Variants in SUPT3H observed in about 807,000 individuals in gnomAD.
The protein encoded by SUPT3H is SPT3 homolog, SAGA and STAGA complex component, also known as transcription initiation protein SPT3 homolog.
Under a neutral mutation model 44.3 loss-of-function variants are expected in SUPT3H, and 44 were observed. That is an observed-to-expected ratio of 0.99 (90% CI 0.78 to 1.28). The LOEUF is 1.28. SUPT3H is among the 50% of genes most tolerant of loss of function. SUPT3H has a pLI of 0.00. For missense variants in SUPT3H, 380 were observed against 387.1 expected, an observed-to-expected ratio of 0.98 and a Z score of 0.15; for synonymous variants, 124 against 125.6, an observed-to-expected ratio of 0.99 and a Z score of 0.09.
At chr6:45,150,857 G>T (rs1806850451) in intron 2 of SUPT3H, among the ~76,000 whole-genome samples, 1 of 151,544 alleles carries the variant, frequency 6.6e-6, no homozygotes, top group Non-Finnish European at 1.5e-5. Context: ...CAAGTAGCTG[G>T]GACTACAGGC....
At chr6:45,068,471 TAAAAA>T (rs202095477) in intron 3 of SUPT3H, among the ~76,000 whole-genome samples, 1 of 145,880 alleles carries the variant, frequency 6.9e-6, no homozygotes, top group Non-Finnish European at 1.5e-5. Context: ...AATAAAAAAA[TAAAAA>T]AAAAAGATAG....
chr6:45,296,803 G>A (rs537427046), intron 2 of SUPT3H, among the ~76,000 whole-genome samples: 2 of 148,404 alleles, frequency 1.3e-5, no homozygotes, highest in African/African-American at 4.9e-5. Context: ...CAGGTGATGG[G>A]TGCACCAAAA....
chr6:45,177,693 G>A lies in SUPT3H; in HGVS notation c.102-71687C>T, dbSNP rs998659576. Among the ~76,000 whole-genome samples, 324 of 151,660 alleles carry A rather than the reference G, an allele frequency of 2.1e-3. 1 individual carries two copies. Among genetic ancestry groups the A allele is most frequent in the African/African-American group, 7.3e-3 (303 of 41,334 alleles). On this transcript the variant is annotated intron_variant, in intron 2 of 10. Coordinates refer to ENST00000371459, the MANE Select transcript of SUPT3H (RefSeq NM_003599.4). ...AGAAAGGTCGGGTTAGCCTCAAAGG[G>A]AAGCCCATCAGACTAACAGCTGATC... is the stretch of plus-strand genomic sequence containing the variant.
At chr6:45,069,901 T>C (rs1794108583) in intron 3 of SUPT3H, among the ~76,000 whole-genome samples, 1 of 151,946 alleles carries the variant, frequency 6.6e-6, no homozygotes, top group Non-Finnish European at 1.5e-5. Flanking sequence ...CTGATATAAA[T>C]ATGCCTAGAG....
At chr6:45,283,243 C>T (rs889117195) in intron 2 of SUPT3H, among the ~76,000 whole-genome samples, 1 of 152,028 alleles carries the variant, frequency 6.6e-6, no homozygotes, top group Admixed American at 6.6e-5. Context: ...CAATATTAAC[C>T]TTAAATGTAA....
At chr6:45,230,084 T>C (rs1354368780) in intron 2 of SUPT3H, among the ~76,000 whole-genome samples, 1 of 152,224 alleles carries the variant, frequency 6.6e-6, no homozygotes, top group East Asian at 1.9e-4. Context: ...CATGTGGTAT[T>C]TGTCTTTCTG....
chr6:45,034,386 A>G (rs1787376759), intron 3 of SUPT3H, among the ~76,000 whole-genome samples: 1 of 152,102 alleles, frequency 6.6e-6, no homozygotes, highest in South Asian at 2.1e-4. Context: ...GAACACAGAA[A>G]AGAACAAAGG....
intron 2 of SUPT3H, among the ~76,000 whole-genome samples, chr6:45,201,004 T>C (rs112901562): frequency 4.3e-4 from 65 of 151,544 alleles, no homozygotes; most frequent in African/African-American, 1.4e-3. Flanking sequence ...TACTTCCTTA[T>C]GGGAACAATA....
intron 6 of SUPT3H, among the ~76,000 whole-genome samples, chr6:44,988,702 T>C (rs1426624943): frequency 6.6e-6 from 1 of 151,900 alleles, no homozygotes; most frequent in African/African-American, 2.4e-5. Context: ...AGAAATGCAA[T>C]TTCTGCATCA....
At chr6:45,149,441 T>G (rs1362610581) in intron 2 of SUPT3H, among the ~76,000 whole-genome samples, 1 of 152,180 alleles carries the variant, frequency 6.6e-6, no homozygotes, top group Non-Finnish European at 1.5e-5. Flanking sequence ...GGAAATGGAA[T>G]CCCCTACTGG....
chr6:45,221,323 A>G (rs1422981131), intron 2 of SUPT3H, among the ~76,000 whole-genome samples: 1 of 152,200 alleles, frequency 6.6e-6, no homozygotes, highest in African/African-American at 2.4e-5. Context: ...ATATATATGT[A>G]ACACACCTGC....
At chr6:45,365,369 A>G in intron 1 of SUPT3H, 68 bp from the exon 2 acceptor site, 1 of 1,067,042 alleles carries the variant, frequency 9.4e-7, no homozygotes, top group Non-Finnish European at 1.4e-6. Flanking sequence ...AAAAAAAAGA[A>G]AGCAAATATA....
chr6:45,033,715 G>A (rs899856647), intron 3 of SUPT3H, among the ~76,000 whole-genome samples: 1 of 152,126 alleles, frequency 6.6e-6, no homozygotes, highest in African/African-American at 2.4e-5. Flanking sequence ...AAGGAAGCCA[G>A]ACTATATTAA....
chr6:44,956,576 T>C (rs1775256669), intron 7 of SUPT3H, among the ~76,000 whole-genome samples: 2 of 151,590 alleles, frequency 1.3e-5, no homozygotes, highest in African/African-American at 4.9e-5. Context: ...TGACATCTGG[T>C]CTAATCTAAG....
intron 2 of SUPT3H, among the ~76,000 whole-genome samples, chr6:45,175,400 G>C (rs1019363397): frequency 6.6e-6 from 1 of 152,136 alleles, no homozygotes; most frequent in Non-Finnish European, 1.5e-5. Flanking sequence ...AAGACAGAAG[G>C]AAGAAGTGCT....
chr6:45,271,767 G>A (rs1008742733), intron 2 of SUPT3H, among the ~76,000 whole-genome samples: 16 of 152,260 alleles, frequency 1.1e-4, no homozygotes, highest in South Asian at 4.1e-4. Context: ...ACCTTGCATT[G>A]TCCATCTGGA....
rs1257265825 is a variant in SUPT3H, at chr6:45,156,681, G to A, written c.102-50675C>T. 3.3e-5 allele frequency among the ~76,000 whole-genome samples: 5 copies of A among 150,628 alleles called. No homozygotes were observed. The East Asian group carries it at 9.6e-4, about 29-fold the overall frequency. On this transcript the variant is annotated intron_variant, in intron 2 of 10. Coordinates refer to ENST00000371459, the MANE Select transcript of SUPT3H (RefSeq NM_003599.4). ...CAAAGAAACATAAATAAGTTTATGA[G>A]TATAACAAGAAATGAGTTTTTTAAA...
intron 2 of SUPT3H, among the ~76,000 whole-genome samples, chr6:45,295,976 G>A (rs1172026629): frequency 6.6e-6 from 1 of 151,820 alleles, no homozygotes; most frequent in Non-Finnish European, 1.5e-5. Context: ...CCCAATCCTG[G>A]GTATCTACCC....
chr6:45,230,687 T>TATATATATATA (rs1562747092), intron 2 of SUPT3H, among the ~76,000 whole-genome samples: 30 of 99,626 alleles, frequency 3.0e-4, no homozygotes, highest in East Asian at 6.6e-4. Context: ...TATATATATA[T>TATATATATATA]TTTTGAGATG....
Sources: allele counts gnomAD v4.1 joint callset (sites outside exome capture counted in the v4.1 genomes callset), GRCh38; gene constraint gnomAD v4.1.1; transcripts MANE v1.5; gene names NCBI Gene and HGNC (gene_info 2026-07-23, HGNC 2026-07-21).